The following UBR1 variants were observed in gnomAD, a reference collection of about 807,000 sequenced individuals.
UBR1 encodes the protein ubiquitin protein ligase E3 component n-recognin 1, also known as E3 ubiquitin-protein ligase UBR1.
A neutral mutation model predicts 242.1 loss-of-function variants in UBR1; 102 were observed. That is an observed-to-expected ratio of 0.42 (90% CI 0.36 to 0.50). The LOEUF (loss-of-function observed/expected upper bound fraction) is 0.50. Among genes scored for constraint, UBR1 ranks in the 20% least tolerant of loss-of-function variants. UBR1 has a pLI of 0.01. For synonymous variants in UBR1, 675 were observed against 684.8 expected (o/e 0.99, Z 0.22); for missense variants, 1,772 against 2,101.8 (o/e 0.84, Z 3.07).
intron 38 of UBR1, 23 bp downstream of exon 38, chr15:42,977,857 A>C: frequency 6.3e-7 from 1 of 1,592,670 alleles, no homozygotes; most frequent in Non-Finnish European, 8.6e-7. Context: ...TGAGTGACTT[A>C]AACAAAATTA....
intron 37 of UBR1, among the ~76,000 whole-genome samples, chr15:42,980,318 C>T (rs1201819750): frequency 6.6e-6 from 1 of 152,122 alleles, no homozygotes; most frequent in Admixed American, 6.5e-5. Context: ...GTTAAGCCAA[C>T]CCTTTATGCA....
chr15:43,005,063 G>C (rs977344740), intron 30 of UBR1, among the ~76,000 whole-genome samples: 1 of 148,336 alleles, frequency 6.7e-6, no homozygotes, highest in Non-Finnish European at 1.5e-5. Flanking sequence ...GTCTCTGCCC[G>C]ACCGCCACCC....
At chr15:43,081,023 G>C (rs557608367) in intron 3 of UBR1, among the ~76,000 whole-genome samples, 10 of 152,152 alleles carry the variant, frequency 6.6e-5, no homozygotes, top group Admixed American at 1.3e-4. Flanking sequence ...AAATACCAAG[G>C]AGTGCTGTTG....
intron 12 of UBR1, 76 bp from the exon 13 acceptor site, chr15:43,048,567 A>G: frequency 8.8e-7 from 1 of 1,134,728 alleles, no homozygotes; most frequent in East Asian, 2.5e-5. Flanking sequence ...GGTTATAGAC[A>G]ATGTTGATTT....
At chr15:42,985,749 G>A (rs1443221281) in intron 35 of UBR1, among the ~76,000 whole-genome samples, 1 of 152,068 alleles carries the variant, frequency 6.6e-6, no homozygotes, top group Non-Finnish European at 1.5e-5. Context: ...TGGACTTTGG[G>A]TGGGTGAGGC....
intron 21 of UBR1, among the ~76,000 whole-genome samples, chr15:43,029,114 TACAC>T (rs993990597): frequency 6.9e-5 from 10 of 145,672 alleles, no homozygotes; most frequent in Admixed American, 4.7e-4. Flanking sequence ...TAAAAACAAA[TACAC>T]ACACACGCAC....
chr15:43,105,958 G>A lies in UBR1; in HGVS notation c.65C>T (p.Pro22Leu), dbSNP rs749382782. The A allele has an allele frequency of 6.2e-7, 1 of 1,613,994 alleles. No homozygotes were observed. The highest frequency in any genetic ancestry group is 8.5e-7 in the Non-Finnish European group (1 of 1,179,970). The change falls in exon 1 of 47, where the codon CCT becomes CTT. Residue 22 changes from proline (P) to leucine (L), a missense_variant. This residue lies in a region of UBR1 where 734 missense variants were observed against 893.3 expected (regional missense o/e 0.82). Coordinates refer to ENST00000290650, the MANE Select transcript of UBR1 (RefSeq NM_174916.3). ...MEISAELPQT[P>L]QRLASWWDQQ... ...GGGACTTACAGATGCCAGACGCTGA[G>A]GGGTCTGGGGTAACTCCGCGCTGAT...
At chr15:43,098,848 C>A (rs2034191937) in intron 1 of UBR1, among the ~76,000 whole-genome samples, 1 of 152,154 alleles carries the variant, frequency 6.6e-6, no homozygotes, top group Non-Finnish European at 1.5e-5. Context: ...GATCTGGTGA[C>A]AAAGTACTTC....
chr15:43,102,507 A>T (rs2034249559), intron 1 of UBR1, among the ~76,000 whole-genome samples: 2 of 152,238 alleles, frequency 1.3e-5, no homozygotes, highest in Admixed American at 1.3e-4. Flanking sequence ...TAGAGGTTAT[A>T]AACAGGCAAT....
At chr15:43,009,081 C>T (rs963164351) in intron 29 of UBR1, among the ~76,000 whole-genome samples, 2 of 152,226 alleles carry the variant, frequency 1.3e-5, no homozygotes, top group African/African-American at 4.8e-5. Flanking sequence ...GTAACATAAA[C>T]AGGGCTGAAA....
intron 44 of UBR1, among the ~76,000 whole-genome samples, chr15:42,952,881 T>A (rs1159692562): frequency 6.6e-6 from 1 of 152,124 alleles, no homozygotes; most frequent in Admixed American, 6.5e-5. Context: ...AGAAAAAAAA[T>A]TAAAATTTAC....
chr15:43,050,080 T>C (rs1210218686), intron 12 of UBR1, among the ~76,000 whole-genome samples: 1 of 152,026 alleles, frequency 6.6e-6, no homozygotes, highest in African/African-American at 2.4e-5. Flanking sequence ...GCCTCCTCAG[T>C]AGCTAAGACT....
chr15:42,995,034 G>A (rs942130150), intron 33 of UBR1, among the ~76,000 whole-genome samples: 3 of 151,950 alleles, frequency 2.0e-5, no homozygotes, highest in African/African-American at 4.8e-5. Flanking sequence ...AAAAATATAG[G>A]CTTCTAAGTA....
intron 20 of UBR1, 76 bp from the exon 21 acceptor site, chr15:43,030,144 T>C: frequency 6.7e-7 from 1 of 1,492,510 alleles, no homozygotes; most frequent in African/African-American, 1.4e-5. Context: ...TCAGAAGCAC[T>C]TACACACAGA....
chr15:43,020,011 TA>T (rs1310593418), intron 27 of UBR1, among the ~76,000 whole-genome samples: 4 of 151,950 alleles, frequency 2.6e-5, no homozygotes, highest in African/African-American at 9.7e-5. Context: ...ATCTACTCAA[TA>T]GCTCAAGCAC....
chr15:42,945,572 G>A lies in UBR1; in HGVS notation c.5109-102C>T, dbSNP rs568348638. 877 of 1,441,718 alleles carry A rather than the reference G, an allele frequency of 6.1e-4. 14 individuals are homozygous for A. In the South Asian group the frequency reaches 9.8e-3, roughly 16 times the overall value. 89.3% of individuals were successfully genotyped at this position (1,441,718 alleles called of 1,614,324 possible). The stretch of plus-strand genomic sequence containing the variant: ...GCACTCTTGAGATGTTCCTGGAGCC[G>A]GGAGGACTCACCAGCACAGGGCTTA... On this transcript the variant is annotated intron_variant, in intron 46 of 46. Coordinates refer to ENST00000290650, the MANE Select transcript of UBR1 (RefSeq NM_174916.3).
intron 18 of UBR1, 103 bp downstream of exon 18, chr15:43,036,421 CAGTG>C: frequency 1.7e-6 from 2 of 1,186,484 alleles, no homozygotes; most frequent in South Asian, 1.2e-5. Flanking sequence ...ATCAGTTTAA[CAGTG>C]AGAGTATTTT....
At chr15:43,010,034 G>C (rs760519771) in intron 29 of UBR1, among the ~76,000 whole-genome samples, 1 of 152,132 alleles carries the variant, frequency 6.6e-6, no homozygotes, top group South Asian at 2.1e-4. Context: ...ACCATGCCCA[G>C]CTAATTTTTT....
In UBR1 at chr15:42,988,873, GATCCCTTTC is replaced by G; in HGVS notation, c.3934_3942del (p.Glu1312_Asp1314del). 2 of 1,614,206 alleles carry G rather than the reference GATCCCTTTC, an allele frequency of 1.2e-6. No individual in the cohort carries two copies. The highest frequency in any genetic ancestry group is 1.7e-6 in the Non-Finnish European group (2 of 1,180,034). On this transcript the variant is annotated inframe_deletion, in exon 35 of 47. Transcript: ENST00000290650. ...CTCCAGGTCAGCATGGGGACTCGAGGATCCCTTTCATCAGGTGGCACTTTCAATCCAATT... is the reference window on the plus strand; with the variant it reads ...CTCCAGGTCAGCATGGGGACTCGAGGATCAGGTGGCACTTTCAATCCAATT...
Sources: allele counts gnomAD v4.1 joint callset (sites outside exome capture counted in the v4.1 genomes callset), GRCh38; gene constraint gnomAD v4.1.1; regional missense constraint gnomAD v4.1.1; transcripts MANE v1.5; gene names NCBI Gene and HGNC (gene_info 2026-07-23, HGNC 2026-07-21).